PDSS2: variants seen among roughly 807,000 people sequenced by gnomAD.
PDSS2 encodes all trans-polyprenyl-diphosphate synthase PDSS2.
Under a neutral mutation model 44.5 loss-of-function variants are expected in PDSS2, and 31 were observed. The ratio of observed to expected loss-of-function variants is 0.70; its 90% confidence interval spans 0.52 to 0.94. The LOEUF is 0.94. Ranked by LOEUF, PDSS2 falls within the 40% of genes least tolerant of loss-of-function variation. The pLI is 0.00. For synonymous variants in PDSS2, 157 were observed against 180.3 expected (o/e 0.87, Z 1.03); for missense variants, 452 against 482.2 (o/e 0.94, Z 0.59).
At chr6:107,226,233 T>C (rs1773815728) in intron 4 of PDSS2, among the ~76,000 whole-genome samples, 1 of 152,032 alleles carries the variant, frequency 6.6e-6, no homozygotes, top group African/African-American at 2.4e-5. Context: ...AGCGTGAACC[T>C]GGGAGGCAGA....
At chr6:107,318,622 G>A (rs1303598258) in intron 2 of PDSS2, among the ~76,000 whole-genome samples, 3 of 152,060 alleles carry the variant, frequency 2.0e-5, no homozygotes, top group Non-Finnish European at 4.4e-5. Context: ...TATTTTCTCT[G>A]AGATAGCTAG....
chr6:107,224,948 G>A lies in PDSS2; in HGVS notation c.703-12666C>T, dbSNP rs979894578. ...AGGTTGCAGTCATGCTGTTGGCCACGGCTACAGTCATATGAAGGGGCTGAA... is the reference window on the plus strand; with the variant it reads ...AGGTTGCAGTCATGCTGTTGGCCACAGCTACAGTCATATGAAGGGGCTGAA... On this transcript the variant is annotated intron_variant, in intron 4 of 7. Transcript: ENST00000369037. 1.0e-4 allele frequency among the ~76,000 whole-genome samples: 15 copies of A among 149,672 alleles called. No individual in the cohort carries two copies. In the East Asian group the frequency reaches 2.7e-3, roughly 27 times the overall value.
intron 1 of PDSS2, among the ~76,000 whole-genome samples, chr6:107,424,728 C>T (rs531304403): frequency 7.9e-5 from 12 of 152,220 alleles, no homozygotes; most frequent in South Asian, 6.2e-4. Flanking sequence ...CAAAGTGAAA[C>T]GACCATCATT....
At chr6:107,239,594 T>A (rs1774345665) in intron 4 of PDSS2, among the ~76,000 whole-genome samples, 1 of 151,904 alleles carries the variant, frequency 6.6e-6, no homozygotes, top group Admixed American at 6.6e-5. Context: ...TCTTGACCTT[T>A]TTCTGTTTTC....
intron 5 of PDSS2, among the ~76,000 whole-genome samples, chr6:107,211,904 G>A (rs1582793000): frequency 6.6e-6 from 1 of 152,252 alleles, no homozygotes; most frequent in East Asian, 1.9e-4. Context: ...AATGGTTCAA[G>A]TAAACTGTGG....
intron 1 of PDSS2, among the ~76,000 whole-genome samples, chr6:107,451,290 A>G (rs1781858535): frequency 6.6e-6 from 1 of 152,202 alleles, no homozygotes; most frequent in South Asian, 2.1e-4. Context: ...GGTACATAGT[A>G]GTATCCCATT....
intron 3 of PDSS2, among the ~76,000 whole-genome samples, chr6:107,269,375 T>TGTGC (rs769050121): frequency 1.4e-5 from 2 of 145,962 alleles, no homozygotes; most frequent in African/African-American, 2.5e-5. Context: ...TGTGTGTGTG[T>TGTGC]GCAATTTATT....
intron 5 of PDSS2, 51 bp downstream of exon 5, chr6:107,212,057 TG>T: frequency 6.9e-7 from 1 of 1,459,648 alleles, no homozygotes; most frequent in Non-Finnish European, 9.6e-7. Flanking sequence ...GTTTCTTGTG[TG>T]TCGTTTTAGC....
intron 1 of PDSS2, among the ~76,000 whole-genome samples, chr6:107,441,484 T>G (rs183438533): frequency 3.4e-4 from 52 of 152,276 alleles, no homozygotes; most frequent in Non-Finnish European, 6.5e-4. Flanking sequence ...CATATAAGTG[T>G]GATGGTAGTG....
At chr6:107,411,067 G>A (rs1259929311) in intron 1 of PDSS2, among the ~76,000 whole-genome samples, 1 of 151,790 alleles carries the variant, frequency 6.6e-6, no homozygotes, top group Admixed American at 6.6e-5. Context: ...GTATTTTTTA[G>A]TAGAGACAGG....
chr6:107,216,482 C>CA (rs577023513), intron 4 of PDSS2, among the ~76,000 whole-genome samples: 44 of 150,104 alleles, frequency 2.9e-4, no homozygotes, highest in South Asian at 2.3e-3. Context: ...CAAAGAAAAC[C>CA]AAAAAAAACA....
chr6:107,457,016 A>C (rs1782066741), intron 1 of PDSS2, among the ~76,000 whole-genome samples: 1 of 152,194 alleles, frequency 6.6e-6, no homozygotes, highest in Non-Finnish European at 1.5e-5. Flanking sequence ...ATGTGTTTTG[A>C]GTGTGTATCA....
chr6:107,312,087 C>T (rs548230797), intron 2 of PDSS2, among the ~76,000 whole-genome samples: 3 of 152,310 alleles, frequency 2.0e-5, no homozygotes, highest in African/African-American at 7.2e-5. Flanking sequence ...AACAATATCC[C>T]ATGCAGAGGA....
chr6:107,293,749 T>G (rs1224353490), intron 2 of PDSS2, among the ~76,000 whole-genome samples: 1 of 152,082 alleles, frequency 6.6e-6, no homozygotes, highest in African/African-American at 2.4e-5. Flanking sequence ...AATCAGCATA[T>G]GAGAAAGCTA....
intron 2 of PDSS2, among the ~76,000 whole-genome samples, chr6:107,279,396 ATAT>A (rs2114969232): frequency 6.6e-6 from 1 of 152,322 alleles, no homozygotes; most frequent in South Asian, 2.1e-4. Context: ...GGAAAAAAGT[ATAT>A]TAAGAACAGG....
chr6:107,355,640 G>A (rs143495624), intron 1 of PDSS2, among the ~76,000 whole-genome samples: 1,595 of 152,226 alleles, frequency 0.01, 12 homozygotes, highest in South Asian at 0.03. Flanking sequence ...GCCCTTTTCA[G>A]AGGGTTTTCA....
chr6:107,247,483 A>G (rs150056530), intron 3 of PDSS2, among the ~76,000 whole-genome samples: 1 of 152,330 alleles, frequency 6.6e-6, no homozygotes, highest in East Asian at 1.9e-4. Context: ...ACAAATGGCT[A>G]TACTTACTTG....
intron 2 of PDSS2, among the ~76,000 whole-genome samples, chr6:107,329,794 T>A (rs1013027490): frequency 5.3e-5 from 8 of 152,194 alleles, no homozygotes; most frequent in Admixed American, 4.6e-4. Flanking sequence ...AATTACAATG[T>A]TGGTACTGTT....
At chr6:107,410,134 A>G (rs1317627655) in intron 1 of PDSS2, among the ~76,000 whole-genome samples, 5 of 152,196 alleles carry the variant, frequency 3.3e-5, no homozygotes, top group African/African-American at 1.2e-4. Context: ...TTACATTAGA[A>G]GTCTCCAAGC....
Sources: gnomAD v4.1 joint callset for allele counts (sites outside exome capture counted in the v4.1 genomes callset) on GRCh38, gnomAD v4.1.1 for gene constraint, MANE v1.5 for transcripts, NCBI Gene and HGNC (gene_info 2026-07-23, HGNC 2026-07-21) for gene names.